PCDHA9: variants seen among roughly 807,000 people sequenced by gnomAD.
PCDHA9 encodes protocadherin alpha-9.
A neutral mutation model predicts 62.0 loss-of-function variants in PCDHA9; 62 were observed. That is an observed-to-expected ratio of 1.00 (90% CI 0.81 to 1.23). PCDHA9 has a LOEUF of 1.23. PCDHA9 is among the 50% of genes most tolerant of loss of function. The probability of loss-of-function intolerance (pLI) is 0.00; values close to 1 mark genes in which losing one functional copy is unlikely to be tolerated. For missense variants in PCDHA9, 1,205 were observed against 1,249.8 expected (o/e 0.96, Z 0.54); for synonymous variants, 557 against 567.6 (o/e 0.98, Z 0.27).
intron 1 of PCDHA9, among the ~76,000 whole-genome samples, chr5:140,956,385 T>C (rs1313427005): frequency 6.6e-6 from 1 of 152,198 alleles, no homozygotes; most frequent in Non-Finnish European, 1.5e-5. Flanking sequence ...ATCGAAGGCC[T>C]TTTCTGAATC....
intron 1 of PCDHA9, among the ~76,000 whole-genome samples, chr5:140,890,392 T>C (rs2062624449): frequency 6.6e-6 from 1 of 152,212 alleles, no homozygotes; most frequent in Admixed American, 6.5e-5. Flanking sequence ...TTAGATAATC[T>C]ATAAATTTTA....
At chr5:140,884,864 T>C (rs1048751495) in intron 1 of PCDHA9, among the ~76,000 whole-genome samples, 1 of 152,234 alleles carries the variant, frequency 6.6e-6, no homozygotes, top group African/African-American at 2.4e-5. Flanking sequence ...TCACAAACCA[T>C]AATGAAATGT....
chr5:140,911,827 A>C (rs2075655305), intron 1 of PCDHA9, among the ~76,000 whole-genome samples: 1 of 152,162 alleles, frequency 6.6e-6, no homozygotes, highest in African/African-American at 2.4e-5. Context: ...GAAACCCCAA[A>C]ACCAATGAAA....
chr5:141,005,701 C>CAAAAAAA (rs59860837), intron 3 of PCDHA9, among the ~76,000 whole-genome samples: 5 of 7,784 alleles, frequency 6.4e-4, no homozygotes, highest in African/African-American at 9.3e-4. Context: ...AACTCCGTCT[C>CAAAAAAA]AAAAAAAAAA....
chr5:141,000,839 C>G (rs1194048512), intron 3 of PCDHA9, among the ~76,000 whole-genome samples: 1 of 151,970 alleles, frequency 6.6e-6, no homozygotes, highest in Admixed American at 6.6e-5. Flanking sequence ...TCCAGGAGAT[C>G]CAGTCTGGCA....
intron 1 of PCDHA9, among the ~76,000 whole-genome samples, chr5:140,975,683 G>T (rs1226769029): frequency 6.6e-6 from 1 of 151,934 alleles, no homozygotes; most frequent in Non-Finnish European, 1.5e-5. Context: ...AATAAAATAG[G>T]GTATTTTAAA....
At chr5:140,934,636 G>A (rs782329021) in intron 1 of PCDHA9, among the ~76,000 whole-genome samples, 17 of 151,974 alleles carry the variant, frequency 1.1e-4, no homozygotes, top group Non-Finnish European at 1.9e-4. Flanking sequence ...CACAGGAAAG[G>A]CAGGATAAAT....
chr5:140,996,737 T>G (rs887382236), intron 3 of PCDHA9, among the ~76,000 whole-genome samples: 3 of 152,166 alleles, frequency 2.0e-5, no homozygotes, highest in Non-Finnish European at 2.9e-5. Context: ...ACAAAAGTCA[T>G]AACAAATTAT....
At chr5:140,967,249 G>A (rs782040791) in intron 1 of PCDHA9, 1 of 1,613,592 alleles carries the variant, frequency 6.2e-7, no homozygotes, top group Non-Finnish European at 8.5e-7. Context: ...GCGAATCGGT[G>A]GCGCCTGGAG....
In PCDHA9 at chr5:140,869,946, A is replaced by G. The variant is rs557838493; in HGVS notation, c.2394+19057A>G. 13 of 1,612,442 alleles carry G rather than the reference A, an allele frequency of 8.1e-6. No individual in the cohort carries two copies. In the African/African-American group the frequency reaches 9.3e-5, roughly 12 times the overall value. ...TCAATGGAGAGGTAACATACTCCTTAATGTCAATTAAGCCCAATGGAAGAC... is the reference window on the plus strand; with the variant it reads ...TCAATGGAGAGGTAACATACTCCTTGATGTCAATTAAGCCCAATGGAAGAC... On this transcript the variant is annotated intron_variant, in intron 1 of 3. Transcript: ENST00000532602.
At chr5:140,983,642 G>A (rs954814692) in intron 3 of PCDHA9, among the ~76,000 whole-genome samples, 3 of 152,174 alleles carry the variant, frequency 2.0e-5, no homozygotes, top group African/African-American at 7.2e-5. Flanking sequence ...CCAAGTTCAC[G>A]TAGCTTGTAA....
In PCDHA9 at chr5:140,968,377, T is replaced by C. The variant is rs1461765123; in HGVS notation, c.2395-10572T>C. 2.5e-6 allele frequency: 4 copies of C among 1,613,962 alleles called. No individual in the cohort carries two copies. In the African/African-American group the frequency reaches 4.0e-5, roughly 16 times the overall value. ...GCAGCCTTTATGCTGTCAACTCCTT[T>C]GACTATGAGAAGTTTCGGGAGTTCT... On this transcript the variant is annotated intron_variant, in intron 1 of 3. Transcript: ENST00000532602.
chr5:140,865,854 C>T (rs1029695094), intron 1 of PCDHA9: 1 of 152,144 alleles, frequency 6.6e-6, no homozygotes, highest in Non-Finnish European at 1.5e-5. Context: ...TTTCTCTGCT[C>T]AAACATGGTC....
chr5:140,983,146 G>T (rs894953025), intron 3 of PCDHA9, among the ~76,000 whole-genome samples: 3 of 152,140 alleles, frequency 2.0e-5, no homozygotes, highest in Non-Finnish European at 4.4e-5. Flanking sequence ...TAGTGCCTTG[G>T]CATGCATGTT....
At chr5:140,916,776 C>A (rs2153540006) in intron 1 of PCDHA9, among the ~76,000 whole-genome samples, 1 of 152,308 alleles carries the variant, frequency 6.6e-6, no homozygotes. Context: ...CACAAGCACT[C>A]CCTTAGCTGC....
rs1465056587 is a variant in PCDHA9, at chr5:140,851,176, T to G, written c.2394+287T>G. The G allele has an allele frequency of 9.5e-6, 12 of 1,259,426 alleles. 2 individuals carry two copies. Among genetic ancestry groups the G allele is most frequent in the Non-Finnish European group, 1.2e-5 (12 of 979,742 alleles). The allele number at this position is 1,259,426 out of a possible 1,614,324, so 78.0% of individuals were successfully genotyped here. A position where few individuals can be genotyped will look rare whatever the true frequency, so the allele number is the denominator to read the frequency against. Reference sequence around the variant, plus strand: ...TCTGATGCTATGCTGCCATAACACTTGAAAACCAATTTAGTTGTTAGTCAT... The same window carrying G: ...TCTGATGCTATGCTGCCATAACACTGGAAAACCAATTTAGTTGTTAGTCAT... On this transcript the variant is annotated intron_variant, in intron 1 of 3. Coordinates refer to ENST00000532602, the MANE Select transcript of PCDHA9 (RefSeq NM_031857.2).
chr5:141,001,811 C>A (rs1200900455), intron 3 of PCDHA9, among the ~76,000 whole-genome samples: 1 of 152,128 alleles, frequency 6.6e-6, no homozygotes, highest in Non-Finnish European at 1.5e-5. Flanking sequence ...ATTCTACAAT[C>A]GGCCAAATTC....
chr5:140,940,305 A>G (rs2092590184), intron 1 of PCDHA9, among the ~76,000 whole-genome samples: 1 of 152,126 alleles, frequency 6.6e-6, no homozygotes, highest in Non-Finnish European at 1.5e-5. Flanking sequence ...GTAATTTATT[A>G]TCTTTCTTCC....
intron 3 of PCDHA9, among the ~76,000 whole-genome samples, chr5:141,005,404 G>A (rs1265064301): frequency 6.6e-6 from 1 of 152,166 alleles, no homozygotes; most frequent in Non-Finnish European, 1.5e-5. Context: ...CAGACTTGAA[G>A]AGTGAGGAGT....
Sources: allele counts gnomAD v4.1 joint callset (sites outside exome capture counted in the v4.1 genomes callset), GRCh38; gene constraint gnomAD v4.1.1; transcripts MANE v1.5; gene names NCBI Gene and HGNC (gene_info 2026-07-23, HGNC 2026-07-21).